The following OR2L13 variants were observed in gnomAD, a reference collection of about 807,000 sequenced individuals.
The protein encoded by OR2L13 is olfactory receptor 2L13.
In OR2L13, 14 loss-of-function variants were observed where a neutral mutation model predicts 15.3. The observed-to-expected ratio is 0.91, with a 90% CI of 0.60 to 1.43. The LOEUF is 1.43. OR2L13 is among the 40% of genes most tolerant of loss of function. The probability of loss-of-function intolerance (pLI) is 0.00; values close to 1 mark genes in which losing one functional copy is unlikely to be tolerated. For synonymous variants in OR2L13, 152 were observed against 142.9 expected, an observed-to-expected ratio of 1.06 and a Z score of -0.45; for missense variants, 367 against 387.9, an observed-to-expected ratio of 0.95 and a Z score of 0.45.
chr1:248,015,197 T>C, the OR2L13 span, among the ~76,000 whole-genome samples: 2 of 152,174 alleles, frequency 1.3e-5, no homozygotes, highest in Non-Finnish European at 2.9e-5. Context: ...TAAAAATACA[T>C]ATTGTGTAAA....
the OR2L13 span, among the ~76,000 whole-genome samples, chr1:247,993,775 G>GAGAA: frequency 7.7e-6 from 1 of 129,048 alleles, no homozygotes; most frequent in Non-Finnish European, 1.6e-5. Context: ...GAGAGAGAGA[G>GAGAA]AGAGAGAGAG....
the OR2L13 span, among the ~76,000 whole-genome samples, chr1:248,075,310 CAT>C: frequency 2.6e-5 from 4 of 152,024 alleles, no homozygotes; most frequent in Non-Finnish European, 2.9e-5. Context: ...CCACAATAAA[CAT>C]ATGTGTGCAT....
the OR2L13 span, among the ~76,000 whole-genome samples, chr1:248,026,804 TCTTTA>T: frequency 2.0e-5 from 3 of 152,222 alleles, no homozygotes; most frequent in Non-Finnish European, 2.9e-5. Context: ...CCTATGCCTG[TCTTTA>T]CTTTAATCTC....
At chr1:247,986,683 A>G in the OR2L13 span, among the ~76,000 whole-genome samples, 16 of 152,064 alleles carry the variant, frequency 1.1e-4, no homozygotes. Flanking sequence ...ATGGCATTGG[A>G]TCTATAAATT....
At chr1:248,025,170 A>C in the OR2L13 span, among the ~76,000 whole-genome samples, 12 of 147,984 alleles carry the variant, frequency 8.1e-5, no homozygotes, top group African/African-American at 2.3e-4. Context: ...CAACCTACAA[A>C]ATGGGAGAAA....
At chr1:247,937,974 C>T in the OR2L13 span, among the ~76,000 whole-genome samples, 2 of 152,000 alleles carry the variant, frequency 1.3e-5, no homozygotes, top group African/African-American at 2.4e-5. Flanking sequence ...GACATCATAA[C>T]ATATTGTAGG....
chr1:248,068,330 C>T, the OR2L13 span, among the ~76,000 whole-genome samples: 29 of 152,044 alleles, frequency 1.9e-4, no homozygotes, highest in Admixed American at 9.8e-4. Context: ...CAGCAGTATT[C>T]GCGGTTCATG....
the OR2L13 span, chr1:248,038,296 A>T: frequency 6.2e-7 from 1 of 1,611,996 alleles, no homozygotes; most frequent in Admixed American, 1.7e-5. Context: ...ACATCAACTG[A>T]TTTCATCTTA....
the OR2L13 span, chr1:247,949,029 A>G: frequency 6.2e-7 from 1 of 1,613,866 alleles, no homozygotes; most frequent in Middle Eastern, 1.7e-4. Flanking sequence ...CCACACACCC[A>G]TGTATTTCCT....
chr1:248,010,760 G>GTTTTTTT, the OR2L13 span, among the ~76,000 whole-genome samples: 1 of 31,074 alleles, frequency 3.2e-5, no homozygotes, highest in African/African-American at 1.1e-4. Context: ...CTGCTTTGTT[G>GTTTTTTT]TTGTTTTTTT....
chr1:248,046,115 C>T, the OR2L13 span, among the ~76,000 whole-genome samples: 1 of 151,906 alleles, frequency 6.6e-6, no homozygotes, highest in Non-Finnish European at 1.5e-5. Flanking sequence ...AGTAAAAATT[C>T]AATTCAATTA....
At chr1:248,083,553 T>G in the OR2L13 span, 1 of 979,816 alleles carries the variant, frequency 1.0e-6, no homozygotes, top group Non-Finnish European at 1.6e-6. Context: ...AATTTTCTGT[T>G]CATGAACTAC....
At chr1:247,972,072 G>A in the OR2L13 span, among the ~76,000 whole-genome samples, 1 of 152,156 alleles carries the variant, frequency 6.6e-6, no homozygotes, top group Non-Finnish European at 1.5e-5. Flanking sequence ...TGAAACCAGT[G>A]AGAACAAAGA....
At chr1:247,951,398 A>G in the OR2L13 span, among the ~76,000 whole-genome samples, 1 of 152,306 alleles carries the variant, frequency 6.6e-6, no homozygotes, top group South Asian at 2.1e-4. Context: ...CTTCCAATCC[A>G]CAAGCATTGG....
the OR2L13 span, chr1:247,990,186 G>A: frequency 5.2e-6 from 3 of 579,084 alleles, no homozygotes; most frequent in East Asian, 3.1e-5. Flanking sequence ...GGCTTGAAAT[G>A]CATCCCCTGC....
chr1:248,091,057 T>G (rs1225826294), upstream of OR2L13, among the ~76,000 whole-genome samples: 2 of 152,210 alleles, frequency 1.3e-5, no homozygotes, highest in Non-Finnish European at 2.9e-5. Context: ...TACTTTTTCA[T>G]ATGCTTATTG....
the OR2L13 span, among the ~76,000 whole-genome samples, chr1:248,016,142 C>T: frequency 0.075 from 11,484 of 152,144 alleles, 517 homozygotes; most frequent in East Asian, 0.16. Context: ...TCATATTCAA[C>T]TCTAAATTGA....
the OR2L13 span, among the ~76,000 whole-genome samples, chr1:247,973,929 T>C: frequency 6.6e-6 from 1 of 152,208 alleles, no homozygotes; most frequent in East Asian, 1.9e-4. Context: ...CATTCCTGGG[T>C]ATATACCTAA....
the OR2L13 span, among the ~76,000 whole-genome samples, chr1:248,089,356 T>A: frequency 6.6e-6 from 1 of 151,986 alleles, no homozygotes. Context: ...ATTATGGGTT[T>A]TATGGTGGCT....
Sources: allele counts gnomAD v4.1 joint callset (sites outside exome capture counted in the v4.1 genomes callset), GRCh38; gene constraint gnomAD v4.1.1; transcripts MANE v1.5; gene names NCBI Gene and HGNC (gene_info 2026-07-23, HGNC 2026-07-21).